BICRAL: variants seen among roughly 807,000 people sequenced by gnomAD.
BICRAL encodes BICRA like chromatin remodeling complex associated protein.
Under a neutral mutation model 91.8 loss-of-function variants are expected in BICRAL, and 8 were observed. The observed-to-expected ratio is 0.09, with a 90% CI of 0.05 to 0.16. The LOEUF is 0.16. Among genes scored for constraint, BICRAL ranks in the 10% least tolerant of loss-of-function variants. The pLI, the probability that BICRAL is intolerant of heterozygous loss-of-function variation, is 1.00. For missense variants in BICRAL, 1,038 were observed against 1,310.9 expected, an observed-to-expected ratio of 0.79 and a Z score of 3.21; for synonymous variants, 445 against 491.1, an observed-to-expected ratio of 0.91 and a Z score of 1.24.
intron 1 of BICRAL, among the ~76,000 whole-genome samples, chr6:42,807,208 CAG>C (rs1048669646): frequency 6.6e-6 from 1 of 151,830 alleles, no homozygotes; most frequent in Non-Finnish European, 1.5e-5. Flanking sequence ...TATTTTGAGA[CAG>C]AGTCTCACTG....
intron 2 of BICRAL, among the ~76,000 whole-genome samples, chr6:42,815,265 C>T (rs1344902832): frequency 3.4e-5 from 5 of 147,886 alleles, no homozygotes; most frequent in African/African-American, 1.2e-4. Context: ...TCTTGGCTCA[C>T]TGCAACCCCC....
At chr6:42,831,824 C>T (rs894963979) in intron 6 of BICRAL, among the ~76,000 whole-genome samples, 1 of 151,778 alleles carries the variant, frequency 6.6e-6, no homozygotes, top group Admixed American at 6.6e-5. Flanking sequence ...CTGCAGCCTC[C>T]GCCTCCCAGC....
intron 6 of BICRAL, among the ~76,000 whole-genome samples, chr6:42,844,767 C>T (rs906645476): frequency 1.3e-5 from 2 of 151,944 alleles, no homozygotes; most frequent in Non-Finnish European, 2.9e-5. Context: ...AACTGAAGAG[C>T]AATAGCTATG....
chr6:42,790,456 G>A (rs557329647), intron 1 of BICRAL, among the ~76,000 whole-genome samples: 5 of 148,580 alleles, frequency 3.4e-5, no homozygotes, highest in East Asian at 3.9e-4. Flanking sequence ...GATTACAGGC[G>A]TGAGCCACTG....
chr6:42,861,256 G>A (rs1224684488), intron 11 of BICRAL, among the ~76,000 whole-genome samples: 1 of 152,158 alleles, frequency 6.6e-6, no homozygotes, highest in Non-Finnish European at 1.5e-5. Context: ...GAGTTGCAGT[G>A]AGCCGAGATC....
rs531676650 is a variant in BICRAL at position 42,862,109 on chromosome 6, G to T, written c.2350-401G>T. ...CCCAGCACTTGAGGAGGCCAAGGCG[G>T]ATGGATCACCTGAGGTCAAGAGTTC... On this transcript the variant is annotated intron_variant, in intron 11 of 12. Coordinates refer to ENST00000314073, the MANE Select transcript of BICRAL (RefSeq NM_001393499.1). 8.5e-4 allele frequency among the ~76,000 whole-genome samples: 130 copies of T among 152,262 alleles called. 1 individual carries two copies. The highest frequency in any genetic ancestry group is 3.0e-3 in the African/African-American group (123 of 41,532).
chr6:42,825,330 C>T (rs1314527003), intron 5 of BICRAL, among the ~76,000 whole-genome samples: 3 of 150,090 alleles, frequency 2.0e-5, no homozygotes, highest in South Asian at 2.1e-4. Flanking sequence ...TTTGGGAGGC[C>T]GAGGTGGGCG....
upstream of BICRAL, among the ~76,000 whole-genome samples, chr6:42,777,475 T>C (rs547170029): frequency 3.8e-4 from 58 of 152,294 alleles, no homozygotes; most frequent in Admixed American, 3.5e-3. Flanking sequence ...CAAATAAAAG[T>C]ATATACCTTA....
chr6:42,800,480 C>CT (rs1178522223), intron 1 of BICRAL, among the ~76,000 whole-genome samples: 2 of 152,078 alleles, frequency 1.3e-5, no homozygotes, highest in Admixed American at 6.6e-5. Flanking sequence ...CATTTTTAAG[C>CT]TTAAACAAAA....
chr6:42,857,785 C>T (rs954033030), intron 10 of BICRAL, among the ~76,000 whole-genome samples: 1 of 147,226 alleles, frequency 6.8e-6, no homozygotes, highest in Non-Finnish European at 1.5e-5. Flanking sequence ...TGCCTTTAGG[C>T]CATATGCATA....
chr6:42,751,172 A>C (rs1190840383), intron 1 of BICRAL, among the ~76,000 whole-genome samples: 1 of 147,264 alleles, frequency 6.8e-6, no homozygotes, highest in East Asian at 2.0e-4. Context: ...TTTTTTAGTT[A>C]GACAAACAGC....
intron 1 of BICRAL, among the ~76,000 whole-genome samples, chr6:42,797,451 A>C (rs986886834): frequency 6.6e-6 from 1 of 152,190 alleles, no homozygotes; most frequent in Admixed American, 6.5e-5. Flanking sequence ...AAAAAAAGTT[A>C]TAGTCAATAA....
At position 42,767,303 on chromosome 6, in the gene BICRAL, TATTA is replaced by T. The variant is rs566726534; in HGVS notation, c.-260-14529_-260-14526del. Reference sequence around the variant, plus strand: ...TTGTTTTCTATTTATGTCATTTAATTATTAATTAATGTCATTTAATTTTAAATGA... The same window carrying T: ...TTGTTTTCTATTTATGTCATTTAATTATTAATGTCATTTAATTTTAAATGA... On this transcript the variant is annotated intron_variant, in intron 1 of 14. Coordinates refer to the BICRAL transcript ENST00000614467. Among the ~76,000 whole-genome samples the T allele has an allele frequency of 3.9e-3, 600 of 152,344 alleles. 6 individuals are homozygous for T. The highest frequency in any genetic ancestry group is 0.013 in the African/African-American group (544 of 41,570).
chr6:42,847,575 C>T lies in BICRAL; in HGVS notation c.1840-4517C>T, dbSNP rs1765051780. On this transcript the variant is annotated intron_variant, in intron 6 of 12. Transcript: ENST00000314073. ...GGAGGATCTCTTGAGCCCAGGAGTTCGAGACCAGCCTGGGCAACATAGGAA... is the reference window on the plus strand; with the variant it reads ...GGAGGATCTCTTGAGCCCAGGAGTTTGAGACCAGCCTGGGCAACATAGGAA... Among the ~76,000 whole-genome samples, 4 of 147,322 alleles carry T rather than the reference C, an allele frequency of 2.7e-5. No homozygotes were observed. The South Asian group carries it at 8.8e-4, about 32-fold the overall frequency.
chr6:42,787,725 T>C (rs1763141078), intron 1 of BICRAL, among the ~76,000 whole-genome samples: 1 of 152,142 alleles, frequency 6.6e-6, no homozygotes, highest in African/African-American at 2.4e-5. Flanking sequence ...GACAACATGA[T>C]GGTGACTGTT....
chr6:42,782,751 G>C (rs1207869054), intron 1 of BICRAL, among the ~76,000 whole-genome samples: 2 of 151,714 alleles, frequency 1.3e-5, no homozygotes, highest in Non-Finnish European at 2.9e-5. Flanking sequence ...GGAGCCGCCG[G>C]GAGCCGGGAA....
upstream of BICRAL, among the ~76,000 whole-genome samples, chr6:42,780,792 C>G (rs1762888284): frequency 6.6e-6 from 1 of 152,016 alleles, no homozygotes; most frequent in Non-Finnish European, 1.5e-5. Flanking sequence ...GGCTAGAGTG[C>G]AATGCGCGAT....
intron 6 of BICRAL, among the ~76,000 whole-genome samples, chr6:42,843,965 T>TG (rs1491424691): frequency 7.0e-5 from 9 of 128,606 alleles, no homozygotes; most frequent in African/African-American, 2.7e-4. Context: ...TGCCGGCTAA[T>TG]TTTTTTTTTT....
intron 10 of BICRAL, among the ~76,000 whole-genome samples, chr6:42,857,739 C>A (rs1363460139): frequency 1.4e-5 from 2 of 147,776 alleles, no homozygotes; most frequent in Non-Finnish European, 3.0e-5. Flanking sequence ...GATGGCTTTG[C>A]ACTAGACACT....
Sources: allele counts gnomAD v4.1 joint callset (sites outside exome capture counted in the v4.1 genomes callset), GRCh38; gene constraint gnomAD v4.1.1; transcripts MANE v1.5; gene names NCBI Gene and HGNC (gene_info 2026-07-23, HGNC 2026-07-21).